GPR137: variants seen among roughly 807,000 people sequenced by gnomAD.
GPR137 encodes G protein-coupled receptor 137.
A neutral mutation model predicts 38.9 loss-of-function variants in GPR137; 20 were observed. That is an observed-to-expected ratio of 0.51 (90% confidence interval 0.36 to 0.75). The LOEUF (loss-of-function observed/expected upper bound fraction) is 0.75. Ranked by LOEUF, GPR137 falls within the 30% of genes least tolerant of loss-of-function variation. GPR137 has a pLI of 0.00. For missense variants in GPR137, 456 were observed against 526.4 expected (o/e 0.87, Z 1.31); for synonymous variants, 226 against 235.8 (o/e 0.96, Z 0.38).
Position 64,286,949 on chromosome 11 carries a change from G to C in GPR137, c.358-16G>C. On this transcript the variant is annotated splice_polypyrimidine_tract_variant and intron_variant, in intron 1 of 6. Coordinates refer to ENST00000438980, the MANE Select transcript of GPR137 (RefSeq NM_001170880.2). The stretch of plus-strand genomic sequence containing the variant: ...CCTCAAGGACCCACAGGAGTGAAGG[G>C]CATCTCTGCTCCTAGGTGGTGTTCA... The C allele has an allele frequency of 6.2e-7, 1 of 1,613,930 alleles. No homozygotes were observed. The highest frequency in any genetic ancestry group is 2.2e-5 in the East Asian group (1 of 44,882).
chr11:64,288,629 G>C lies in GPR137; in HGVS notation c.939G>C (p.Gln313His). The C allele has an allele frequency of 6.2e-7, 1 of 1,612,716 alleles. No homozygotes were observed. The highest frequency in any genetic ancestry group is 1.7e-5 in the Admixed American group (1 of 59,860). Residue 313 changes from glutamine (Q) to histidine (H), a missense_variant, in exon 6 of 7, where the codon CAG becomes CAC. Transcript: ENST00000438980. This position sits in a 1 kb window ranked among gnomAD's most constrained non-coding sequence, Gnocchi z 5.5. ...DLSTSHILNG[Q>H]VFASRSYFFD... ...GCACCAGCCACATCCTCAATGGGCA[G>C]GTCTTTGCCTCTCGGTCCTACTTCT...
upstream of GPR137, among the ~76,000 whole-genome samples, chr11:64,283,957 GT>G (rs1293018457): frequency 6.6e-6 from 1 of 152,202 alleles, no homozygotes; most frequent in African/African-American, 2.4e-5. Flanking sequence ...TAGCTTTAAT[GT>G]GCACCAGCTC....
Position 64,288,542 on chromosome 11 carries a change from G to A in GPR137, c.913-61G>A. The A allele has an allele frequency of 6.2e-7, 1 of 1,613,070 alleles. No homozygotes were observed. Among genetic ancestry groups the A allele is most frequent in the South Asian group, 1.1e-5 (1 of 91,054 alleles). On this transcript the variant is annotated intron_variant, in intron 5 of 6. Coordinates refer to ENST00000438980, the MANE Select transcript of GPR137 (RefSeq NM_001170880.2). The surrounding 1 kb of genome is among the most constrained non-coding windows in gnomAD (Gnocchi z 5.5). The stretch of plus-strand genomic sequence containing the variant: ...TGCAAATCCTGGGTTGGAGTCTGGG[G>A]TTGGGCCTGGGAGGCCAGTGCAGGA...
At chr11:64,285,048 G>A (rs184388697), upstream of GPR137, 3 of 1,144,138 alleles carry the variant, frequency 2.6e-6, no homozygotes, top group East Asian at 4.3e-5. Flanking sequence ...AAAACTTTGT[G>A]AAGGGAGTGA....
At position 64,288,214 on chromosome 11, in the gene GPR137, G is replaced by C; in HGVS notation, c.783G>C (p.Gln261His). Reference sequence around the variant, plus strand: ...ACGACTGGTACAATGTGTCTGACCAGGTGGGCATACGCATGTCTGCCACCT... The same window carrying C: ...ACGACTGGTACAATGTGTCTGACCACGTGGGCATACGCATGTCTGCCACCT... Reference protein sequence around the residue: ...FDYDWYNVSDQADLVNDLGNK... With the variant: ...FDYDWYNVSDHADLVNDLGNK... The change falls in exon 4 of 7, where the codon CAG (glutamine) becomes CAC (histidine). Residue 261 changes from glutamine to histidine, a missense_variant and splice_region_variant. Transcript: ENST00000438980. This position sits in a 1 kb window ranked among gnomAD's most constrained non-coding sequence, Gnocchi z 5.5. The C allele has an allele frequency of 6.2e-7, 1 of 1,612,348 alleles. No homozygotes were observed. The highest frequency in any genetic ancestry group is 8.5e-7 in the Non-Finnish European group (1 of 1,179,352).
In GPR137 at chr11:64,288,552, G is replaced by A. The variant is rs368669138; in HGVS notation, c.913-51G>A. On this transcript the variant is annotated intron_variant, in intron 5 of 6. Coordinates refer to ENST00000438980, the MANE Select transcript of GPR137 (RefSeq NM_001170880.2). The surrounding 1 kb of genome is among the most constrained non-coding windows in gnomAD (Gnocchi z 5.5). ...GGGTTGGAGTCTGGGGTTGGGCCTG[G>A]GAGGCCAGTGCAGGACAGGAGTAAG... is the stretch of plus-strand genomic sequence containing the variant. 3.2e-5 allele frequency: 51 copies of A among 1,613,058 alleles called. No individual in the cohort carries two copies. In the East Asian group the frequency reaches 7.4e-4, roughly 23 times the overall value.
At position 64,288,625 on chromosome 11, in the gene GPR137, G is replaced by C. The variant is rs1256976852; in HGVS notation, c.935G>C (p.Gly312Ala). The part of the protein sequence containing the change: ...QDLSTSHILN[G>A]QVFASRSYFF... Reference sequence around the variant, plus strand: ...CAGAGCACCAGCCACATCCTCAATGGGCAGGTCTTTGCCTCTCGGTCCTAC... The same window carrying C: ...CAGAGCACCAGCCACATCCTCAATGCGCAGGTCTTTGCCTCTCGGTCCTAC... The change falls in exon 6 of 7, where the codon GGG becomes GCG. Residue 312 changes from glycine (G) to alanine (A), a missense_variant. Coordinates refer to ENST00000438980, the MANE Select transcript of GPR137 (RefSeq NM_001170880.2). This position sits in a 1 kb window ranked among gnomAD's most constrained non-coding sequence, Gnocchi z 5.5. 2.5e-6 allele frequency: 4 copies of C among 1,612,982 alleles called. No homozygotes were observed. Among genetic ancestry groups the C allele is most frequent in the Non-Finnish European group, 3.4e-6 (4 of 1,179,502 alleles).
rs763418331 is a variant in GPR137, at chr11:64,287,731, C to T, written c.418C>T (p.Arg140Ter). 6.2e-7 allele frequency: 1 copy of T among 1,604,550 alleles called. No homozygotes were observed. Among genetic ancestry groups the T allele is most frequent in the Non-Finnish European group, 8.5e-7 (1 of 1,179,888 alleles). ...PEMSRGLLAV[R>*]GAFVGASLLF... ...GTGCTGTGGCTGCAGGCTCGCTGTC[C>T]GAGGGGCCTTTGTGGGGGCCTCGCT... is the stretch of plus-strand genomic sequence containing the variant. The change falls in exon 3 of 7, where the codon CGA becomes TGA. Residue 140 changes from arginine to a stop codon, truncating the protein, a stop_gained. Transcript: ENST00000438980. LOFTEE classifies it high-confidence loss of function.
chr11:64,284,897 T>G, upstream of GPR137: 3 of 1,439,024 alleles, frequency 2.1e-6, no homozygotes, highest in Non-Finnish European at 2.7e-6. Flanking sequence ...CTTGGGCGTG[T>G]GTGGGAGCAG....
Position 64,288,090 on chromosome 11 carries a change from C to T in GPR137, c.659C>T (p.Ala220Val), listed in dbSNP as rs116483940. The T allele has an allele frequency of 0.015, 23,982 of 1,611,606 alleles. 259 individuals carry two copies. Among genetic ancestry groups the T allele is most frequent in the Middle Eastern group, 0.017 (104 of 6,062 alleles). The change falls in exon 4 of 7, where the codon GCG becomes GTG. Residue 220 changes from alanine to valine, a missense_variant. Physicochemically the swap from Ala to Val is moderately conservative, Grantham distance 64 (BLOSUM62 0). Transcript: ENST00000438980. The surrounding 1 kb of genome is among the most constrained non-coding windows in gnomAD (Gnocchi z 5.5). ...GGGACCAGTGTGTGCCAGGCGGCCG[C>T]GATGGGTGGCGCCATGGTCCTGCTC... ...AKGTSVCQAA[A>V]MGGAMVLLYA...
At chr11:64,277,050 T>G (rs919416390) in intron 2 of GPR137, 1 of 711,050 alleles carries the variant, frequency 1.4e-6, no homozygotes, top group Admixed American at 2.0e-5. Context: ...CTCCCTGTTT[T>G]ATAGATGAGG....
upstream of GPR137, among the ~76,000 whole-genome samples, chr11:64,281,806 C>T (rs187069848): frequency 4.9e-4 from 75 of 152,280 alleles, no homozygotes; most frequent in East Asian, 0.014. Flanking sequence ...CTGCAACCTC[C>T]GCCTCCCGGG....
chr11:64,284,566 C>T, upstream of GPR137: 4 of 1,494,386 alleles, frequency 2.7e-6, no homozygotes, highest in Non-Finnish European at 3.6e-6. Context: ...GGACCTCAGT[C>T]TCCCCTCAGA....
In GPR137 at chr11:64,286,781, G is replaced by GCGC; in HGVS notation, c.259_261dup (p.Ala87dup). 6.2e-7 allele frequency: 1 copy of GCGC among 1,609,848 alleles called. No homozygotes were observed. Among genetic ancestry groups the GCGC allele is most frequent in the Non-Finnish European group, 8.5e-7 (1 of 1,177,372 alleles). On this transcript the variant is annotated inframe_insertion, in exon 1 of 7. Transcript: ENST00000438980. Reference sequence around the variant, plus strand: ...TCCTTCTACTTCCGAGATACTCCCCGCGCCAACCGCCTGGGGCCCTTGCCC... The same window carrying GCGC: ...TCCTTCTACTTCCGAGATACTCCCCGCGCCGCCAACCGCCTGGGGCCCTTGCCC...
intron 2 of GPR137, 199 bp from the exon 3 acceptor site, chr11:64,287,522 G>A: frequency 1.4e-6 from 1 of 694,438 alleles, no homozygotes; most frequent in Non-Finnish European, 1.8e-6. Context: ...TCCAGTTGGT[G>A]CACCTTCCGA....
At chr11:64,274,569 T>C (rs1237967287), upstream of GPR137, among the ~76,000 whole-genome samples, 1 of 151,890 alleles carries the variant, frequency 6.6e-6, no homozygotes, top group Non-Finnish European at 1.5e-5. Flanking sequence ...ACGCCTGTAA[T>C]CCCAGCACTT....
chr11:64,281,707 C>T (rs1466210392), upstream of GPR137, among the ~76,000 whole-genome samples: 1 of 152,334 alleles, frequency 6.6e-6, no homozygotes, highest in South Asian at 2.1e-4. Flanking sequence ...TCCCCCCGCC[C>T]CTGTGACTCC....
At chr11:64,284,858 C>G (rs1302090928), upstream of GPR137, 1 of 1,495,548 alleles carries the variant, frequency 6.7e-7, no homozygotes, top group Non-Finnish European at 8.9e-7. Context: ...TCCTTCGGCC[C>G]CGGGGCTCAC....
Position 64,288,225 on chromosome 11 carries a change from G to T in GPR137, c.783+11G>T. On this transcript the variant is annotated intron_variant, in intron 4 of 6. Transcript: ENST00000438980. This position sits in a 1 kb window ranked among gnomAD's most constrained non-coding sequence, Gnocchi z 5.5. ...AATGTGTCTGACCAGGTGGGCATAC[G>T]CATGTCTGCCACCTCCTTAGTAGCC... The T allele has an allele frequency of 6.2e-7, 1 of 1,610,702 alleles. No individual in the cohort carries two copies. Among genetic ancestry groups the T allele is most frequent in the Non-Finnish European group, 8.5e-7 (1 of 1,178,182 alleles).
Sources: gnomAD v4.1 joint callset for allele counts (sites outside exome capture counted in the v4.1 genomes callset) on GRCh38, gnomAD v4.1.1 for gene constraint, Gnocchi (gnomAD v3.1) non-coding constraint, MANE v1.5 for transcripts, NCBI Gene and HGNC (gene_info 2026-07-23, HGNC 2026-07-21) for gene names.